Variants in RNF7 observed in about 807,000 individuals in gnomAD.
RNF7 encodes ring finger protein 7, also known as RING-box protein 2.
A neutral mutation model predicts 17.0 loss-of-function variants in RNF7; 9 were observed. The observed-to-expected ratio is 0.53, with a 90% CI of 0.32 to 0.92. The LOEUF is 0.92. Among genes scored for constraint, RNF7 ranks in the 40% least tolerant of loss-of-function variants. The pLI is 0.04. For missense variants in RNF7, 87 were observed against 145.8 expected, an observed-to-expected ratio of 0.60 and a Z score of 2.08; for synonymous variants, 59 against 50.5, an observed-to-expected ratio of 1.17 and a Z score of -0.72.
chr3:141,745,104 G>T, intron 2 of RNF7, 55 bp from the exon 3 acceptor site: 1 of 1,093,644 alleles, frequency 9.1e-7, no homozygotes, highest in Non-Finnish European at 1.4e-6. Flanking sequence ...ATAATTTTGA[G>T]TTCAGTGTTT....
In RNF7 at chr3:141,745,751, A is replaced by G. The variant is rs2084465178; in HGVS notation, c.*474A>G. 6.6e-6 allele frequency: 1 copy of G among 152,494 alleles called. No individual in the cohort carries two copies. The highest frequency in any genetic ancestry group is 1.5e-5 in the Non-Finnish European group (1 of 68,078). The allele number at this position is 152,494 out of a possible 1,614,324, so 9.4% of individuals were successfully genotyped here. ...ATACGTATTTTTGGCAGGGAGAGGG[A>G]ACGGTCCATGAAATCTTTATGTGAT... On this transcript the variant is annotated 3_prime_UTR_variant, in exon 3 of 3. Transcript: ENST00000273480.
Position 141,746,374 on chromosome 3 carries a change from T to G in RNF7, c.*1097T>G, listed in dbSNP as rs1205112512. 6.6e-6 allele frequency: 1 copy of G among 152,252 alleles called. No homozygotes were observed. Among genetic ancestry groups the G allele is most frequent in the Non-Finnish European group, 1.5e-5 (1 of 68,038 alleles). The allele number at this position is 152,252 out of a possible 1,614,324, so 9.4% of individuals were successfully genotyped here. Reference sequence around the variant, plus strand: ...TCAAAAAGTTTATCACACAGTGTTTTAATAAATGGTTTATTCTGCTTACCT... The same window carrying G: ...TCAAAAAGTTTATCACACAGTGTTTGAATAAATGGTTTATTCTGCTTACCT... On this transcript the variant is annotated 3_prime_UTR_variant, in exon 3 of 3. Transcript: ENST00000273480.
At chr3:141,741,002 A>G (rs1415025145) in intron 1 of RNF7, among the ~76,000 whole-genome samples, 1 of 152,232 alleles carries the variant, frequency 6.6e-6, no homozygotes, top group African/African-American at 2.4e-5. Context: ...GAAAGGAGTG[A>G]TGATTACACA....
intron 2 of RNF7, 36 bp from the exon 3 acceptor site, chr3:141,745,123 A>G (rs1474103991): frequency 3.7e-6 from 5 of 1,351,858 alleles, no homozygotes; most frequent in Admixed American, 3.8e-5. Context: ...TTAAATTGAA[A>G]TATGTAATGT....
At position 141,738,478 on chromosome 3, in the gene RNF7, A is replaced by T. The variant is rs1357154299; in HGVS notation, c.137A>T (p.Glu46Val). 2 of 1,613,776 alleles carry T rather than the reference A, an allele frequency of 1.2e-6. 1 individual carries two copies. The highest frequency in any genetic ancestry group is 2.2e-5 in the South Asian group (2 of 91,032). ...GTGGCCATGTGGAGCTGGGACGTGG[A>T]GTGCGATACGTGCGCCATCTGCAGG... ...NAVAMWSWDV[E>V]CDTCAICRVQ... Residue 46 changes from glutamate (E) to valine (V), a missense_variant, in exon 1 of 3, where the codon GAG becomes GTG. Coordinates refer to ENST00000273480, the MANE Select transcript of RNF7 (RefSeq NM_014245.5).
At chr3:141,742,562 AT>A in intron 1 of RNF7, 1 of 1,096,614 alleles carries the variant, frequency 9.1e-7, no homozygotes, top group Non-Finnish European at 1.2e-6. Flanking sequence ...GTATTTACTT[AT>A]TTTATCTGTA....
At chr3:141,742,065 T>A (rs2107856375) in intron 1 of RNF7, among the ~76,000 whole-genome samples, 1 of 151,928 alleles carries the variant, frequency 6.6e-6, no homozygotes, top group African/African-American at 2.4e-5. Flanking sequence ...GTCACAAGGG[T>A]TTGTTGCACA....
In RNF7 at chr3:141,742,401, T is replaced by C. The variant is rs888190945; in HGVS notation, c.176-1108T>C. Among the ~76,000 whole-genome samples, 10 of 152,026 alleles carry C rather than the reference T, an allele frequency of 6.6e-5. No homozygotes were observed. The South Asian group carries it at 2.1e-3, about 32-fold the overall frequency. Reference sequence around the variant, plus strand: ...ACCACCACGCCCGGCTAATTTTTTGTATTTTTAGTAGAGACGGGGTTTCAC... The same window carrying C: ...ACCACCACGCCCGGCTAATTTTTTGCATTTTTAGTAGAGACGGGGTTTCAC... On this transcript the variant is annotated intron_variant, in intron 1 of 2. Transcript: ENST00000273480.
rs2084484822 is a variant in RNF7, at chr3:141,747,373, T to TG, written c.*2097dup. 1 of 151,722 alleles carries TG rather than the reference T, an allele frequency of 6.6e-6. No individual in the cohort carries two copies. Among genetic ancestry groups the TG allele is most frequent in the African/African-American group, 2.4e-5 (1 of 41,240 alleles). The allele number at this position is 151,722 out of a possible 1,614,324, so 9.4% of individuals were successfully genotyped here. The stretch of plus-strand genomic sequence containing the variant: ...AAATGTGCTGATTTTATTTTACTGT[T>TG]GCATTAGAAACAAACAAGTTATCTT... On this transcript the variant is annotated 3_prime_UTR_variant, in exon 3 of 3. Coordinates refer to ENST00000273480, the MANE Select transcript of RNF7 (RefSeq NM_014245.5).
rs2084376459 is a variant in RNF7 at position 141,738,299 on chromosome 3, T to G, written c.-43T>G. ...CACAGAGCCGCCCTAGCCTTCCGCC[T>G]TCCCCAAGCCAACGTCTCCGCCGTC... On this transcript the variant is annotated 5_prime_UTR_variant, in exon 1 of 3. Transcript: ENST00000273480. 4.8e-6 allele frequency: 6 copies of G among 1,239,000 alleles called. No individual in the cohort carries two copies. Among genetic ancestry groups the G allele is most frequent in the Admixed American group, 4.7e-5 (2 of 42,366 alleles). The allele number at this position is 1,239,000 out of a possible 1,614,324, so 76.8% of individuals were successfully genotyped here.
rs953128309 is a variant in RNF7 at position 141,745,971 on chromosome 3, T to A, written c.*694T>A. 1 of 146,310 alleles carries A rather than the reference T, an allele frequency of 6.8e-6. No homozygotes were observed. Among genetic ancestry groups the A allele is most frequent in the African/African-American group, 2.6e-5 (1 of 38,420 alleles). The allele number at this position is 146,310 out of a possible 1,614,324, so 9.1% of individuals were successfully genotyped here. On this transcript the variant is annotated 3_prime_UTR_variant, in exon 3 of 3. Transcript: ENST00000273480. The stretch of plus-strand genomic sequence containing the variant: ...ATTTTCTAGTTCTGGTCAGATGATA[T>A]AATTTTTTTTTTTTTTTTTTGTGGG...
At chr3:141,744,363 C>CT (rs996790947) in intron 2 of RNF7, among the ~76,000 whole-genome samples, 5 of 151,662 alleles carry the variant, frequency 3.3e-5, no homozygotes, top group Admixed American at 2.6e-4. Flanking sequence ...TTCATTTAAT[C>CT]TTTTTCTCTG....
At chr3:141,740,589 T>C (rs995930936) in intron 1 of RNF7, among the ~76,000 whole-genome samples, 4 of 152,206 alleles carry the variant, frequency 2.6e-5, no homozygotes, top group Non-Finnish European at 5.9e-5. Flanking sequence ...GTTTATGAGG[T>C]GTTAAAACCC....
rs1338414620 is a variant in RNF7 at position 141,747,331 on chromosome 3, T to C, written c.*2054T>C. The C allele has an allele frequency of 1.3e-5, 2 of 152,248 alleles. No homozygotes were observed. The highest frequency in any genetic ancestry group is 1.3e-4 in the Admixed American group (2 of 15,288). 9.4% of individuals were successfully genotyped at this position (152,248 alleles called of 1,614,324 possible). ...ACAAAAGTTAAGCATCAAACAGGTTTTTCTTTCCATTTGATTAAATGTGCT... is the reference window on the plus strand; with the variant it reads ...ACAAAAGTTAAGCATCAAACAGGTTCTTCTTTCCATTTGATTAAATGTGCT... On this transcript the variant is annotated 3_prime_UTR_variant, in exon 3 of 3. Coordinates refer to ENST00000273480, the MANE Select transcript of RNF7 (RefSeq NM_014245.5).
At chr3:141,741,173 A>G (rs1297346663) in intron 1 of RNF7, among the ~76,000 whole-genome samples, 2 of 152,206 alleles carry the variant, frequency 1.3e-5, no homozygotes, top group East Asian at 3.8e-4. Context: ...ACCAACCTTA[A>G]TATTAAAATT....
In RNF7 at chr3:141,747,221, T is replaced by A. The variant is rs1351633681; in HGVS notation, c.*1944T>A. 6.6e-6 allele frequency: 1 copy of A among 152,276 alleles called. No homozygotes were observed. Among genetic ancestry groups the A allele is most frequent in the Non-Finnish European group, 1.5e-5 (1 of 68,058 alleles). 9.4% of individuals were successfully genotyped at this position (152,276 alleles called of 1,614,324 possible). A position where few individuals can be genotyped will look rare whatever the true frequency, so the allele number is the denominator to read the frequency against. ...AGCGCTGATGCTGCTCAGCCTGCGA[T>A]GATTACAGCTCATCTGCACAGCCAT... On this transcript the variant is annotated 3_prime_UTR_variant, in exon 3 of 3. Coordinates refer to ENST00000273480, the MANE Select transcript of RNF7 (RefSeq NM_014245.5).
chr3:141,746,543 A>ATAGGGTGT lies in RNF7; in HGVS notation c.*1266_*1267insTAGGGTGT. ...GTTTATTACCTGGAAAGAGTGCAAGAAAATACTAAACAACTTTATCAAACT... is the reference window on the plus strand; with the variant it reads ...GTTTATTACCTGGAAAGAGTGCAAGATAGGGTGTAAATACTAAACAACTTTATCAAACT... On this transcript the variant is annotated 3_prime_UTR_variant, in exon 3 of 3. Coordinates refer to ENST00000273480, the MANE Select transcript of RNF7 (RefSeq NM_014245.5). The ATAGGGTGT allele has an allele frequency of 6.6e-6, 1 of 151,106 alleles. No individual in the cohort carries two copies. Among genetic ancestry groups the ATAGGGTGT allele is most frequent in the East Asian group, 2.0e-4 (1 of 5,098 alleles). 9.4% of individuals were successfully genotyped at this position (151,106 alleles called of 1,614,324 possible). A position where few individuals can be genotyped will look rare whatever the true frequency, so the allele number is the denominator to read the frequency against.
At chr3:141,741,563 T>A (rs1260643906) in intron 1 of RNF7, among the ~76,000 whole-genome samples, 2 of 152,266 alleles carry the variant, frequency 1.3e-5, no homozygotes, top group East Asian at 1.9e-4. Context: ...CCTATTTATG[T>A]TAAAAACTAT....
intron 1 of RNF7, among the ~76,000 whole-genome samples, chr3:141,739,233 C>T (rs2084390255): frequency 6.6e-6 from 1 of 152,162 alleles, no homozygotes; most frequent in South Asian, 2.1e-4. Context: ...CGTAAAACTT[C>T]ACCTCCATCA....
Sources: allele counts gnomAD v4.1 joint callset (sites outside exome capture counted in the v4.1 genomes callset), GRCh38; gene constraint gnomAD v4.1.1; transcripts MANE v1.5; gene names NCBI Gene and HGNC (gene_info 2026-07-23, HGNC 2026-07-21).